The following CROT variants were observed in gnomAD, a reference collection of about 807,000 sequenced individuals.
CROT encodes peroxisomal carnitine O-octanoyltransferase.
A neutral mutation model predicts 89.2 loss-of-function variants in CROT; 84 were observed. The ratio of observed to expected loss-of-function variants is 0.94; its 90% CI spans 0.79 to 1.13. The LOEUF (loss-of-function observed/expected upper bound fraction) is 1.13, where lower values mean the gene tolerates loss of function less well. Among genes scored for constraint, CROT ranks in the 50% most tolerant of loss-of-function variants. The pLI is 0.00. For missense variants in CROT, 711 were observed against 727.8 expected, an observed-to-expected ratio of 0.98 and a Z score of 0.27; for synonymous variants, 212 against 239.5, an observed-to-expected ratio of 0.89 and a Z score of 1.06.
At position 87,382,082 on chromosome 7, in the gene CROT, G is replaced by A; in HGVS notation, c.1071G>A (p.Glu357=). ...FQNEGRWKGS[E]KVRDIPLPEE... ...GTCTTCCCTATTTTCAGGGTTCAGA[G>A]AAGGTACGAGATATACCACTTCCAG... Residue 357 remains glutamate (E), a synonymous_variant, in exon 12 of 18, where the codon GAG becomes GAA. Transcript: ENST00000331536. 4.3e-6 allele frequency: 7 copies of A among 1,610,294 alleles called. No homozygotes were observed. The highest frequency in any genetic ancestry group is 5.1e-6 in the Non-Finnish European group (6 of 1,177,596).
At chr7:87,347,683 T>G (rs1029409270) in intron 2 of CROT, among the ~76,000 whole-genome samples, 3 of 151,964 alleles carry the variant, frequency 2.0e-5, no homozygotes, top group Non-Finnish European at 4.4e-5. Flanking sequence ...TACAATGGTA[T>G]GAATAAAATA....
At chr7:87,380,526 A>G (rs941132100) in intron 10 of CROT, among the ~76,000 whole-genome samples, 2 of 152,242 alleles carry the variant, frequency 1.3e-5, no homozygotes, top group Non-Finnish European at 2.9e-5. Flanking sequence ...CCAGCTAGGA[A>G]GTAGTTTGAA....
rs1428549748 is a variant in CROT at position 87,369,444 on chromosome 7, AT to A, written c.617del (p.Ile206AsnfsTer16). The A allele has an allele frequency of 2.5e-6, 4 of 1,613,116 alleles. No individual in the cohort carries two copies. In the African/African-American group the frequency reaches 5.3e-5, roughly 22 times the overall value. ...CRGRAFVFDV[I>X]HEGCLVTPPE... ...AGGCCGAGCTTTTGTCTTTGATGTA[AT>A]ACATGAAGGATGTTTGGTCACCCCG... On this transcript the variant is annotated frameshift_variant, in exon 7 of 18. Coordinates refer to ENST00000331536, the MANE Select transcript of CROT (RefSeq NM_021151.4). LOFTEE classifies it high-confidence loss of function.
chr7:87,359,825 A>C, intron 4 of CROT: 1 of 983,616 alleles, frequency 1.0e-6, no homozygotes, highest in Non-Finnish European at 1.2e-6. Flanking sequence ...TATAATAATT[A>C]TTGAAGGTCT....
At chr7:87,394,732 C>T (rs1807470608) in intron 17 of CROT, among the ~76,000 whole-genome samples, 5 of 152,010 alleles carry the variant, frequency 3.3e-5, no homozygotes, top group Admixed American at 1.3e-4. Flanking sequence ...TACCTATAGA[C>T]TCTACTATGA....
chr7:87,382,542 C>T lies in CROT; in HGVS notation c.1300C>T (p.His434Tyr). The T allele has an allele frequency of 1.2e-6, 2 of 1,609,388 alleles. No individual in the cohort carries two copies. Among genetic ancestry groups the T allele is most frequent in the South Asian group, 2.2e-5 (2 of 89,718 alleles). Reference sequence around the variant, plus strand: ...GCTGGCCTATTACAGACTTCATGGACAGTAAGGACCATTCAGTTTCTATTT... The same window carrying T: ...GCTGGCCTATTACAGACTTCATGGATAGTAAGGACCATTCAGTTTCTATTT... ...LQLAYYRLHG[H>Y]PGCCYETAMT... The change falls in exon 13 of 18, where the codon CAC becomes TAC. Residue 434 changes from histidine to tyrosine, a missense_variant and splice_region_variant. Transcript: ENST00000331536.
chr7:87,372,197 C>T (rs1195616454), intron 7 of CROT, among the ~76,000 whole-genome samples: 1 of 151,856 alleles, frequency 6.6e-6, no homozygotes, highest in African/African-American at 2.4e-5. Context: ...TTTACTTTAT[C>T]CTTATTGATT....
chr7:87,358,278 C>T (rs1276159618), intron 3 of CROT, among the ~76,000 whole-genome samples: 1 of 151,376 alleles, frequency 6.6e-6, no homozygotes, highest in African/African-American at 2.4e-5. Flanking sequence ...GAGATCGAGA[C>T]CATCCTGGCT....
At chr7:87,396,484 T>C (rs1276137588) in intron 17 of CROT, among the ~76,000 whole-genome samples, 1 of 152,166 alleles carries the variant, frequency 6.6e-6, no homozygotes, top group Non-Finnish European at 1.5e-5. Flanking sequence ...GACCCTTCTA[T>C]GATAGGAGCA....
At chr7:87,369,671 T>C in intron 7 of CROT, 187 bp downstream of exon 7, 1 of 273,940 alleles carries the variant, frequency 3.7e-6, no homozygotes, top group Non-Finnish European at 6.7e-6. Flanking sequence ...TAGACATATA[T>C]AAATATGTTC....
intron 17 of CROT, 83 bp from the exon 18 acceptor site, chr7:87,398,441 A>G (rs1584657345): frequency 1.3e-6 from 2 of 1,496,994 alleles, no homozygotes; most frequent in East Asian, 2.3e-5. Context: ...ATGAATATCC[A>G]GATGAAATAA....
At chr7:87,387,626 G>T (rs998195548) in intron 13 of CROT, among the ~76,000 whole-genome samples, 1 of 152,068 alleles carries the variant, frequency 6.6e-6, no homozygotes, top group South Asian at 2.1e-4. Flanking sequence ...TTACAATAAA[G>T]TAAACTAGAG....
intron 6 of CROT, among the ~76,000 whole-genome samples, chr7:87,363,351 G>T (rs963206757): frequency 1.9e-4 from 29 of 152,146 alleles, no homozygotes; most frequent in African/African-American, 6.5e-4. Context: ...GTTCAAATAA[G>T]ATTAGTAACT....
At chr7:87,359,899 GAATCA>G in intron 4 of CROT, 1 of 985,458 alleles carries the variant, frequency 1.0e-6, no homozygotes. Context: ...TCTCTACTAT[GAATCA>G]GAGGATGAGG....
intron 3 of CROT, among the ~76,000 whole-genome samples, chr7:87,352,007 A>G (rs1805882519): frequency 6.6e-6 from 1 of 152,206 alleles, no homozygotes; most frequent in African/African-American, 2.4e-5. Context: ...TTATTGCCAT[A>G]AAGAGTCTGT....
chr7:87,351,637 C>T (rs749291088), intron 3 of CROT, among the ~76,000 whole-genome samples: 45 of 152,178 alleles, frequency 3.0e-4, no homozygotes, highest in African/African-American at 1.0e-3. Context: ...TTTATTGGCT[C>T]ACAAGAGTGT....
intron 13 of CROT, among the ~76,000 whole-genome samples, chr7:87,388,551 G>A (rs921451306): frequency 6.6e-6 from 1 of 152,176 alleles, no homozygotes; most frequent in Non-Finnish European, 1.5e-5. Context: ...AATAAACGAT[G>A]TTGGGAAAAC....
chr7:87,346,652 T>C (rs1297923712), intron 2 of CROT, among the ~76,000 whole-genome samples: 1 of 152,236 alleles, frequency 6.6e-6, no homozygotes, highest in Non-Finnish European at 1.5e-5. Flanking sequence ...TACCGGTTGG[T>C]GGGTTAAGCA....
At chr7:87,361,367 C>A in intron 4 of CROT, 23 bp from the exon 5 acceptor site, 1 of 1,601,168 alleles carries the variant, frequency 6.2e-7, no homozygotes, top group Non-Finnish European at 8.5e-7. Flanking sequence ...GAACATTAAG[C>A]TGATGTTCTC....
Sources: allele counts gnomAD v4.1 joint callset (sites outside exome capture counted in the v4.1 genomes callset), GRCh38; gene constraint gnomAD v4.1.1; transcripts MANE v1.5; gene names NCBI Gene and HGNC (gene_info 2026-07-23, HGNC 2026-07-21).